The following YTHDC2 variants were observed in gnomAD, a reference collection of about 807,000 sequenced individuals.
The protein encoded by YTHDC2 is 3'-5' RNA helicase YTHDC2.
Under a neutral mutation model 174.9 loss-of-function variants are expected in YTHDC2, and 45 were observed. That is an observed-to-expected ratio of 0.26 (90% CI 0.20 to 0.33). YTHDC2 has a LOEUF of 0.33. Ranked by LOEUF, YTHDC2 falls within the 10% of genes least tolerant of loss-of-function variation. YTHDC2 has a pLI of 1.00. For synonymous variants in YTHDC2, 657 were observed against 574.5 expected, an observed-to-expected ratio of 1.14 and a Z score of -2.05; for missense variants, 1,650 against 1,723.7, an observed-to-expected ratio of 0.96 and a Z score of 0.76.
At chr5:113,539,480 A>G (rs918795852) in intron 8 of YTHDC2, among the ~76,000 whole-genome samples, 5 of 152,210 alleles carry the variant, frequency 3.3e-5, no homozygotes, top group East Asian at 1.9e-4. Flanking sequence ...TGCCCACAGC[A>G]TATCTCATAG....
chr5:113,567,307 T>A lies in YTHDC2; in HGVS notation c.3048+10T>A. Reference sequence around the variant, plus strand: ...GCCTCAATATAAAAAGGTAAAAGATTTTGAATGCTGTTGGGTTTTGAGGTG... The same window carrying A: ...GCCTCAATATAAAAAGGTAAAAGATATTGAATGCTGTTGGGTTTTGAGGTG... On this transcript the variant is annotated intron_variant, in intron 22 of 29. Coordinates refer to ENST00000161863, the MANE Select transcript of YTHDC2 (RefSeq NM_022828.5). The A allele has an allele frequency of 6.3e-7, 1 of 1,597,204 alleles. No homozygotes were observed. Among genetic ancestry groups the A allele is most frequent in the Non-Finnish European group, 8.5e-7 (1 of 1,173,520 alleles).
chr5:113,539,990 C>T (rs185895659), intron 8 of YTHDC2, among the ~76,000 whole-genome samples: 94 of 152,288 alleles, frequency 6.2e-4, no homozygotes, highest in Middle Eastern at 6.8e-3. Context: ...CAGCCTCGAC[C>T]TCCTCATCTC....
Position 113,571,805 on chromosome 5 carries a change from G to A in YTHDC2, c.3244+3956G>A, listed in dbSNP as rs187901607. On this transcript the variant is annotated intron_variant, in intron 23 of 29. Transcript: ENST00000161863. The stretch of plus-strand genomic sequence containing the variant: ...CTTTGATGGTAGTTTGTATTCCCAT[G>A]GGGTCAGTGGTGAGATCCCTTGTAT... Among the ~76,000 whole-genome samples the A allele has an allele frequency of 7.2e-5, 11 of 152,248 alleles. No homozygotes were observed. The East Asian group carries it at 1.7e-3, about 24-fold the overall frequency.
intron 2 of YTHDC2, chr5:113,517,529 T>C (rs1389963163): frequency 1.8e-5 from 8 of 455,886 alleles, no homozygotes; most frequent in Admixed American, 4.7e-5. Flanking sequence ...AAGGAAGTTA[T>C]GGAGACAAAA....
chr5:113,549,107 C>G, intron 12 of YTHDC2, 87 bp downstream of exon 12: 1 of 1,130,708 alleles, frequency 8.8e-7, no homozygotes, highest in Non-Finnish European at 1.3e-6. Flanking sequence ...CAAATGTAGA[C>G]CATTTATAGT....
At chr5:113,548,353 A>G (rs1455687259) in intron 10 of YTHDC2, among the ~76,000 whole-genome samples, 188 bp from the exon 11 acceptor site, 2 of 152,192 alleles carry the variant, frequency 1.3e-5, no homozygotes, top group Admixed American at 6.5e-5. Context: ...TACACTAGAC[A>G]TATCATAACA....
intron 2 of YTHDC2, among the ~76,000 whole-genome samples, chr5:113,522,104 T>C (rs769619105): frequency 2.0e-5 from 3 of 151,282 alleles, no homozygotes; most frequent in South Asian, 2.1e-4. Flanking sequence ...TAAGTACTTA[T>C]TAGGCATCAA....
chr5:113,557,908 C>A (rs1403564732), intron 17 of YTHDC2, among the ~76,000 whole-genome samples: 1 of 152,212 alleles, frequency 6.6e-6, no homozygotes, highest in African/African-American at 2.4e-5. Flanking sequence ...TCCCTGTGCA[C>A]ATGTTACGGA....
intron 18 of YTHDC2, 63 bp downstream of exon 18, chr5:113,561,248 A>G: frequency 6.2e-6 from 8 of 1,286,846 alleles, no homozygotes; most frequent in Non-Finnish European, 8.8e-6. Context: ...GGCCATTTCA[A>G]CTTCTATGGA....
At chr5:113,570,910 C>G (rs553219321) in intron 23 of YTHDC2, among the ~76,000 whole-genome samples, 1 of 152,278 alleles carries the variant, frequency 6.6e-6, no homozygotes, top group South Asian at 2.1e-4. Context: ...ACCTCGGCCT[C>G]CCAATGTGCT....
intron 26 of YTHDC2, among the ~76,000 whole-genome samples, chr5:113,587,826 A>G (rs942038697): frequency 2.0e-5 from 3 of 151,668 alleles, no homozygotes; most frequent in Non-Finnish European, 2.9e-5. Flanking sequence ...GTGGAATTGC[A>G]TTGAATCTAT....
intron 25 of YTHDC2, 70 bp downstream of exon 25, chr5:113,581,779 C>T (rs1311061828): frequency 1.6e-6 from 2 of 1,253,116 alleles, no homozygotes; most frequent in Admixed American, 3.5e-5. Context: ...ATCTTAGAAT[C>T]ATGTGCTTTT....
chr5:113,562,630 A>C (rs765258179), intron 18 of YTHDC2, among the ~76,000 whole-genome samples: 1 of 152,158 alleles, frequency 6.6e-6, no homozygotes, highest in Non-Finnish European at 1.5e-5. Context: ...TTTCTCAAGC[A>C]CGTCTTTTTT....
Position 113,553,226 on chromosome 5 carries a change from A to G in YTHDC2, c.1734A>G (p.Gln578=), listed in dbSNP as rs192537653. Residue 578 remains glutamine, a synonymous_variant, in exon 13 of 30, where the codon CAA becomes CAG. Coordinates refer to ENST00000161863, the MANE Select transcript of YTHDC2 (RefSeq NM_022828.5). ...FGNLDESSLV[Q]TNGSDLSAED... Reference sequence around the variant, plus strand: ...ATCTAGATGAAAGTTCTCTGGTTCAAACAAATGGAAGTGACCTCAGTGCTG... The same window carrying G: ...ATCTAGATGAAAGTTCTCTGGTTCAGACAAATGGAAGTGACCTCAGTGCTG... The G allele has an allele frequency of 3.0e-5, 47 of 1,589,926 alleles. No individual in the cohort carries two copies. Among genetic ancestry groups the G allele is most frequent in the Admixed American group, 2.7e-4 (15 of 55,544 alleles).
intron 26 of YTHDC2, among the ~76,000 whole-genome samples, chr5:113,588,699 T>C (rs1463153602): frequency 6.6e-6 from 1 of 151,992 alleles, no homozygotes; most frequent in Non-Finnish European, 1.5e-5. Flanking sequence ...CTCGGCTCAC[T>C]ACAAGCTCAG....
intron 2 of YTHDC2, among the ~76,000 whole-genome samples, chr5:113,521,694 G>C (rs1773868867): frequency 6.7e-6 from 1 of 149,420 alleles, no homozygotes; most frequent in South Asian, 2.1e-4. Context: ...TCGTGCCACT[G>C]CACTCCAGCC....
intron 23 of YTHDC2, among the ~76,000 whole-genome samples, chr5:113,576,314 TG>T (rs1455784308): frequency 6.6e-6 from 1 of 152,154 alleles, no homozygotes; most frequent in Non-Finnish European, 1.5e-5. Context: ...TTAGCTCTAT[TG>T]AATGTGCTTT....
chr5:113,530,708 A>T (rs1774596630), intron 4 of YTHDC2, among the ~76,000 whole-genome samples: 1 of 152,168 alleles, frequency 6.6e-6, no homozygotes, highest in South Asian at 2.1e-4. Context: ...TAGATCAATT[A>T]AGACTACAAA....
intron 4 of YTHDC2, among the ~76,000 whole-genome samples, chr5:113,528,796 A>G (rs1428348321): frequency 1.3e-5 from 2 of 152,210 alleles, no homozygotes; most frequent in Admixed American, 6.5e-5. Context: ...GGCATAAGCC[A>G]CCATGCCTGG....
Sources: gnomAD v4.1 joint callset for allele counts (sites outside exome capture counted in the v4.1 genomes callset) on GRCh38, gnomAD v4.1.1 for gene constraint, MANE v1.5 for transcripts, NCBI Gene and HGNC (gene_info 2026-07-23, HGNC 2026-07-21) for gene names.